Variants in CCSER1 observed in about 807,000 individuals in gnomAD.
CCSER1 encodes serine-rich coiled-coil domain-containing protein 1.
Under a neutral mutation model 82.0 loss-of-function variants are expected in CCSER1, and 41 were observed. The observed-to-expected ratio is 0.50, with a 90% CI of 0.39 to 0.65. The LOEUF (loss-of-function observed/expected upper bound fraction) is 0.65. Among genes scored for constraint, CCSER1 ranks in the 30% least tolerant of loss-of-function variants. CCSER1 has a pLI of 0.00. For missense variants in CCSER1, 1,119 were observed against 1,064.2 expected (o/e 1.05, Z -0.72); for synonymous variants, 414 against 383.9 (o/e 1.08, Z -0.92).
chr4:90,802,320 A>G (rs1460449138), intron 7 of CCSER1, among the ~76,000 whole-genome samples: 4 of 148,828 alleles, frequency 2.7e-5, no homozygotes, highest in Non-Finnish European at 5.9e-5. Context: ...TGGGTAAACT[A>G]TGTGAATTTT....
At chr4:90,627,680 T>TA (rs1195139542) in intron 5 of CCSER1, among the ~76,000 whole-genome samples, 1 of 152,052 alleles carries the variant, frequency 6.6e-6, no homozygotes, top group African/African-American at 2.4e-5. Context: ...GTGAAAATTT[T>TA]AAAAAACTAC....
intron 6 of CCSER1, among the ~76,000 whole-genome samples, chr4:90,673,629 C>T (rs1232673745): frequency 6.6e-6 from 1 of 151,904 alleles, no homozygotes; most frequent in Non-Finnish European, 1.5e-5. Flanking sequence ...CTCTCCCAAC[C>T]TAGAAATCCT....
chr4:90,485,351 G>A (rs904599298), intron 5 of CCSER1, among the ~76,000 whole-genome samples: 8 of 152,128 alleles, frequency 5.3e-5, no homozygotes, highest in East Asian at 3.9e-4. Flanking sequence ...GCTCTGCTTC[G>A]GTTCACGCAC....
chr4:90,325,289 CTG>C (rs1296934465), intron 3 of CCSER1, among the ~76,000 whole-genome samples: 2 of 152,060 alleles, frequency 1.3e-5, no homozygotes, highest in East Asian at 3.8e-4. Context: ...TTAGAATAAA[CTG>C]TACTTATTTA....
At chr4:91,276,929 C>T (rs1298755186) in intron 10 of CCSER1, among the ~76,000 whole-genome samples, 4 of 151,990 alleles carry the variant, frequency 2.6e-5, no homozygotes, top group African/African-American at 9.7e-5. Context: ...TTCTATTCTT[C>T]ATACTGTTGA....
At chr4:90,862,230 T>A (rs1180887138) in intron 8 of CCSER1, among the ~76,000 whole-genome samples, 1 of 151,834 alleles carries the variant, frequency 6.6e-6, no homozygotes, top group Non-Finnish European at 1.5e-5. Context: ...TAAAAATATA[T>A]GTTAGCAATT....
chr4:91,266,127 A>C (rs2149173387), intron 10 of CCSER1, among the ~76,000 whole-genome samples: 1 of 152,300 alleles, frequency 6.6e-6, no homozygotes, highest in Non-Finnish European at 1.5e-5. Flanking sequence ...GAAATTATGG[A>C]AACTACAATG....
chr4:90,186,840 T>A (rs571217178), intron 1 of CCSER1, among the ~76,000 whole-genome samples: 53 of 152,008 alleles, frequency 3.5e-4, no homozygotes, highest in African/African-American at 1.2e-3. Flanking sequence ...GATTTCCTGG[T>A]TTTTCCCCCC....
intron 4 of CCSER1, among the ~76,000 whole-genome samples, chr4:90,409,947 A>C (rs960778617): frequency 8.5e-5 from 13 of 152,200 alleles, no homozygotes; most frequent in Non-Finnish European, 1.6e-4. Context: ...TCTACCAAGC[A>C]AATGGAAAAC....
intron 10 of CCSER1, among the ~76,000 whole-genome samples, chr4:91,444,285 A>C (rs1432471052): frequency 2.0e-5 from 3 of 152,194 alleles, no homozygotes; most frequent in Admixed American, 1.3e-4. Flanking sequence ...TAAATTATTT[A>C]ATTGTCCAGT....
chr4:91,443,645 A>T (rs945422466), intron 10 of CCSER1, among the ~76,000 whole-genome samples: 2 of 150,680 alleles, frequency 1.3e-5, no homozygotes, highest in Admixed American at 1.3e-4. Context: ...CCTAAAACTT[A>T]AAGTATAATA....
intron 8 of CCSER1, among the ~76,000 whole-genome samples, chr4:90,874,276 A>G (rs1766919418): frequency 6.6e-6 from 1 of 152,166 alleles, no homozygotes; most frequent in African/African-American, 2.4e-5. Flanking sequence ...TTATCAACAA[A>G]CGCAAATCAT....
intron 1 of CCSER1, among the ~76,000 whole-genome samples, chr4:90,297,505 C>CCAGAAGTT (rs1732195856): frequency 1.3e-5 from 2 of 150,728 alleles, no homozygotes; most frequent in Non-Finnish European, 2.9e-5. Flanking sequence ...TGCCTGATTG[C>CCAGAAGTT]CCTGGCCAGA....
chr4:90,368,789 TA>T (rs1046071575), intron 3 of CCSER1, among the ~76,000 whole-genome samples: 4 of 151,526 alleles, frequency 2.6e-5, no homozygotes, highest in Non-Finnish European at 5.9e-5. Context: ...CACACACTAC[TA>T]AAAAAATTTA....
intron 3 of CCSER1, among the ~76,000 whole-genome samples, chr4:90,313,588 G>A (rs1735677795): frequency 6.6e-6 from 1 of 152,044 alleles, no homozygotes. Context: ...CCTATTCCTG[G>A]TCCAAATTGT....
chr4:91,536,079 A>C (rs1246677050), intron 10 of CCSER1, among the ~76,000 whole-genome samples: 1 of 152,136 alleles, frequency 6.6e-6, no homozygotes, highest in African/African-American at 2.4e-5. Flanking sequence ...GAAGGATCAC[A>C]GTTTTCAACA....
chr4:90,383,971 C>G (rs572989239), intron 3 of CCSER1, among the ~76,000 whole-genome samples: 4 of 151,334 alleles, frequency 2.6e-5, no homozygotes, highest in African/African-American at 9.7e-5. Flanking sequence ...CTATGTTGTC[C>G]AGGCTGCGCT....
intron 1 of CCSER1, among the ~76,000 whole-genome samples, chr4:90,156,681 G>T (rs560537791): frequency 6.6e-6 from 1 of 152,076 alleles, no homozygotes; most frequent in African/African-American, 2.4e-5. Flanking sequence ...TTTTATCCGA[G>T]ACTGGGATTG....
chr4:90,145,095 G>T (rs902462371), intron 1 of CCSER1, among the ~76,000 whole-genome samples: 1 of 151,980 alleles, frequency 6.6e-6, no homozygotes, highest in Non-Finnish European at 1.5e-5. Flanking sequence ...AAAAGTCAAA[G>T]AATCTATTTC....
Sources: gnomAD v4.1 joint callset for allele counts (sites outside exome capture counted in the v4.1 genomes callset) on GRCh38, gnomAD v4.1.1 for gene constraint, MANE v1.5 for transcripts, NCBI Gene and HGNC (gene_info 2026-07-23, HGNC 2026-07-21) for gene names.